Variants in KCNH1 observed in about 807,000 individuals in gnomAD.
The protein encoded by KCNH1 is potassium voltage-gated channel subfamily H member 1.
A neutral mutation model predicts 69.2 loss-of-function variants in KCNH1; 27 were observed. That is an observed-to-expected ratio of 0.39 (90% CI 0.29 to 0.54). The LOEUF (loss-of-function observed/expected upper bound fraction) is 0.54. Among genes scored for constraint, KCNH1 ranks in the 20% least tolerant of loss-of-function variants. KCNH1 has a pLI of 0.68. For missense variants in KCNH1, 798 were observed against 1,261.6 expected (o/e 0.63, Z 5.57); for synonymous variants, 456 against 487.7 (o/e 0.93, Z 0.86).
At chr1:210,976,991 A>G (rs1383033408) in intron 6 of KCNH1, among the ~76,000 whole-genome samples, 1 of 152,066 alleles carries the variant, frequency 6.6e-6, no homozygotes, top group Non-Finnish European at 1.5e-5. Context: ...ATGCTCCTAT[A>G]AAGACACATG....
At chr1:211,015,026 C>A (rs1689467286) in intron 6 of KCNH1, among the ~76,000 whole-genome samples, 1 of 121,860 alleles carries the variant, frequency 8.2e-6, no homozygotes, top group Admixed American at 7.4e-5. Context: ...ATCAACCATT[C>A]ATTCCCATTA....
intron 3 of KCNH1, among the ~76,000 whole-genome samples, chr1:211,091,753 G>T (rs1691056594): frequency 6.6e-6 from 1 of 152,160 alleles, no homozygotes; most frequent in Non-Finnish European, 1.5e-5. Context: ...GGTAGGCAGG[G>T]CTATTCTGAC....
At chr1:211,091,382 C>T (rs941897610) in intron 3 of KCNH1, among the ~76,000 whole-genome samples, 3 of 151,928 alleles carry the variant, frequency 2.0e-5, no homozygotes, top group Admixed American at 2.0e-4. Context: ...GGCCAGGGTG[C>T]TCTCGAACTC....
chr1:211,033,952 A>C (rs554599433), intron 5 of KCNH1, among the ~76,000 whole-genome samples: 1 of 152,334 alleles, frequency 6.6e-6, no homozygotes, highest in South Asian at 2.1e-4. Context: ...GCTGGTGAGA[A>C]TGCAGATAAA....
intron 7 of KCNH1, among the ~76,000 whole-genome samples, chr1:210,819,371 A>G (rs1459286335): frequency 6.6e-6 from 1 of 152,264 alleles, no homozygotes; most frequent in South Asian, 2.1e-4. Flanking sequence ...CAGAAAGGTC[A>G]TTATTCTTCA....
chr1:210,913,606 T>C (rs1421512080), intron 7 of KCNH1, among the ~76,000 whole-genome samples: 1 of 152,148 alleles, frequency 6.6e-6, no homozygotes, highest in Non-Finnish European at 1.5e-5. Context: ...ATCTAAGATT[T>C]GAATCAAAGT....
chr1:210,961,611 C>T (rs956452357), intron 6 of KCNH1, among the ~76,000 whole-genome samples: 9 of 152,012 alleles, frequency 5.9e-5, no homozygotes, highest in African/African-American at 9.7e-5. Context: ...GAGGCCAAGG[C>T]GGGTGGATCA....
chr1:210,834,223 G>C (rs2102443695), intron 7 of KCNH1, among the ~76,000 whole-genome samples: 1 of 151,534 alleles, frequency 6.6e-6, no homozygotes, highest in South Asian at 2.1e-4. Context: ...CTGCTATAAA[G>C]ACACATGCAC....
intron 7 of KCNH1, among the ~76,000 whole-genome samples, chr1:210,815,800 T>C (rs545047793): frequency 2.0e-5 from 3 of 152,182 alleles, no homozygotes; most frequent in Non-Finnish European, 4.4e-5. Context: ...TGGGGCGCTT[T>C]TGGCCTAGTC....
At position 210,725,093 on chromosome 1, in the gene KCNH1, A is replaced by G. The variant is rs115886546; in HGVS notation, c.2113-40955T>C. Among the ~76,000 whole-genome samples, 984 of 152,306 alleles carry G rather than the reference A, an allele frequency of 6.5e-3. 6 individuals carry two copies. Among genetic ancestry groups the G allele is most frequent in the African/African-American group, 0.022 (932 of 41,554 alleles). ...ACCATCAGCTTGTCACTGCCATTCAATTAACCCTTTCTTCTATGTCAGACT... is the reference window on the plus strand; with the variant it reads ...ACCATCAGCTTGTCACTGCCATTCAGTTAACCCTTTCTTCTATGTCAGACT... On this transcript the variant is annotated intron_variant, in intron 10 of 10. Coordinates refer to ENST00000271751, the MANE Select transcript of KCNH1 (RefSeq NM_172362.3).
chr1:211,112,501 T>TAA (rs74258707), intron 1 of KCNH1, among the ~76,000 whole-genome samples: 26 of 126,452 alleles, frequency 2.1e-4, no homozygotes, highest in South Asian at 5.3e-4. Flanking sequence ...ATTAAATAAA[T>TAA]AAAAAAAAAA....
intron 5 of KCNH1, among the ~76,000 whole-genome samples, chr1:211,078,831 T>G (rs1202899894): frequency 1.4e-5 from 2 of 144,040 alleles, no homozygotes; most frequent in Admixed American, 1.5e-4. Context: ...GGCAGTAGAA[T>G]GGCGTGAACC....
intron 7 of KCNH1, among the ~76,000 whole-genome samples, chr1:210,837,916 C>G (rs1685321550): frequency 6.6e-6 from 1 of 152,160 alleles, no homozygotes; most frequent in Non-Finnish European, 1.5e-5. Context: ...TATGAAAATG[C>G]TTTGTACAAT....
intron 7 of KCNH1, among the ~76,000 whole-genome samples, chr1:210,853,990 G>T (rs1685772626): frequency 7.8e-6 from 1 of 128,406 alleles, no homozygotes; most frequent in African/African-American, 3.2e-5. Context: ...CTTATCTACT[G>T]GCATAATGTG....
chr1:211,131,933 C>T (rs79774797), intron 1 of KCNH1, among the ~76,000 whole-genome samples: 2,894 of 152,264 alleles, frequency 0.019, 88 homozygotes, highest in African/African-American at 0.066. Context: ...GTGACTTATT[C>T]TATTCACATT....
chr1:210,719,528 C>T (rs1040724886), intron 10 of KCNH1, among the ~76,000 whole-genome samples: 3 of 152,026 alleles, frequency 2.0e-5, no homozygotes, highest in Non-Finnish European at 4.4e-5. Context: ...GGTAGCATCA[C>T]ACACCAGGGC....
In KCNH1 at chr1:211,104,196, CA is replaced by C. The variant is rs144757113; in HGVS notation, c.204-595del. 7.3e-3 allele frequency among the ~76,000 whole-genome samples: 1,113 copies of C among 152,188 alleles called. 13 individuals are homozygous for C. Among genetic ancestry groups the C allele is most frequent in the African/African-American group, 0.026 (1,075 of 41,522 alleles). On this transcript the variant is annotated intron_variant, in intron 2 of 10. Transcript: ENST00000271751. ...GGCAAGATCATGGAGGAGACCACGGCATTATAAGCCATGGGAAGTAATTTAA... is the reference window on the plus strand; with the variant it reads ...GGCAAGATCATGGAGGAGACCACGGCTTATAAGCCATGGGAAGTAATTTAA...
chr1:210,801,350 G>C (rs979960312), intron 8 of KCNH1, among the ~76,000 whole-genome samples: 1 of 152,200 alleles, frequency 6.6e-6, no homozygotes, highest in Non-Finnish European at 1.5e-5. Flanking sequence ...CAGATGGGGA[G>C]AGGTATAGGA....
Position 210,686,131 on chromosome 1 carries a change from G to A in KCNH1, c.2113-1993C>T, listed in dbSNP as rs115531999. Among the ~76,000 whole-genome samples the A allele has an allele frequency of 9.9e-3, 1,513 of 152,286 alleles. 11 individuals are homozygous for A. Among genetic ancestry groups the A allele is most frequent in the Middle Eastern group, 0.034 (10 of 294 alleles). The stretch of plus-strand genomic sequence containing the variant: ...CCTATAGTCTGCCTTGCAGATCCAA[G>A]AAATGGGACTCAGGAGAATCCTGTC... On this transcript the variant is annotated intron_variant, in intron 10 of 10. Transcript: ENST00000271751.
Sources: allele counts gnomAD v4.1 joint callset (sites outside exome capture counted in the v4.1 genomes callset), GRCh38; gene constraint gnomAD v4.1.1; transcripts MANE v1.5; gene names NCBI Gene and HGNC (gene_info 2026-07-23, HGNC 2026-07-21).